Variants in WWOX observed in about 807,000 individuals in gnomAD.
WWOX encodes the protein WW domain containing oxidoreductase.
In WWOX, 69 loss-of-function variants were observed where a neutral mutation model predicts 46.2. That is an observed-to-expected ratio of 1.49 (90% CI 1.23 to 1.82). WWOX has a LOEUF of 1.82. Ranked by LOEUF, WWOX falls within the 40% of genes most tolerant of loss-of-function variation. WWOX has a pLI of 0.00. For synonymous variants in WWOX, 359 were observed against 202.6 expected (o/e 1.77, Z -6.56); for missense variants, 919 against 542.6 (o/e 1.69, Z -6.89).
rs561139452 is a variant in WWOX at position 78,183,316 on chromosome 16, A to C, written c.516+19027A>C. ...AAGGCCTGTATTATGGCCCAAGCTC[A>C]AGAATATTCGGGCAAGAGCAGATAC... On this transcript the variant is annotated intron_variant, in intron 5 of 8. Transcript: ENST00000566780. 3.0e-3 allele frequency among the ~76,000 whole-genome samples: 453 copies of C among 152,346 alleles called. 4 individuals carry two copies. The highest frequency in any genetic ancestry group is 5.6e-3 in the Non-Finnish European group (383 of 68,034).
rs1567657269 is a variant in WWOX, at chr16:78,578,257, TATATA to T, written c.1056+145506_1056+145510del. On this transcript the variant is annotated intron_variant, in intron 8 of 8. Transcript: ENST00000566780. ...AAATATATGTGCATACCAAATTTTA[TATATA>T]TATATATATATATATATATATATTT... Among the ~76,000 whole-genome samples, 71 of 29,344 alleles carry T rather than the reference TATATA, an allele frequency of 2.4e-3. 1 individual carries two copies. Among genetic ancestry groups the T allele is most frequent in the South Asian group, 4.4e-3 (3 of 684 alleles). 19.3% of individuals were successfully genotyped at this position (29,344 alleles called of 152,430 possible). A position where few individuals can be genotyped will look rare whatever the true frequency, so the allele number is the denominator to read the frequency against.
intron 8 of WWOX, among the ~76,000 whole-genome samples, chr16:79,082,469 C>A (rs1473264965): frequency 6.6e-6 from 1 of 152,194 alleles, no homozygotes; most frequent in Non-Finnish European, 1.5e-5. Flanking sequence ...ATGGCTACTT[C>A]TCTGGCCACT....
At chr16:78,892,617 C>G (rs575418656) in intron 8 of WWOX, among the ~76,000 whole-genome samples, 3 of 152,196 alleles carry the variant, frequency 2.0e-5, no homozygotes, top group Admixed American at 1.3e-4. Context: ...TACTGAGATT[C>G]TGCGTGTGTG....
intron 8 of WWOX, among the ~76,000 whole-genome samples, chr16:78,967,809 G>A (rs2046390842): frequency 6.6e-6 from 1 of 152,096 alleles, no homozygotes; most frequent in African/African-American, 2.4e-5. Context: ...TGTAAGAGTA[G>A]GAGAGGCAGG....
chr16:79,096,166 C>A (rs1284711667), intron 8 of WWOX, among the ~76,000 whole-genome samples: 1 of 151,904 alleles, frequency 6.6e-6, no homozygotes, highest in Non-Finnish European at 1.5e-5. Flanking sequence ...CAGAGCCTGA[C>A]CACAGTCCTT....
At chr16:78,169,669 G>A (rs376236183) in intron 5 of WWOX, among the ~76,000 whole-genome samples, 170 of 152,126 alleles carry the variant, frequency 1.1e-3, no homozygotes, top group African/African-American at 3.9e-3. Context: ...CCCGGAACTT[G>A]GGATCTAAAA....
intron 8 of WWOX, among the ~76,000 whole-genome samples, chr16:78,650,422 A>T (rs781752054): frequency 6.6e-5 from 10 of 152,142 alleles, no homozygotes; most frequent in Non-Finnish European, 1.5e-4. Flanking sequence ...CCTGTGTGAA[A>T]TTGGTGTCCG....
chr16:78,331,507 C>G (rs1239799960), intron 5 of WWOX, among the ~76,000 whole-genome samples: 13 of 152,126 alleles, frequency 8.5e-5, no homozygotes, highest in Admixed American at 8.5e-4. Flanking sequence ...TAGTTTTTGT[C>G]CATTCATTTT....
intron 8 of WWOX, among the ~76,000 whole-genome samples, chr16:78,879,776 C>G (rs2044305899): frequency 1.3e-5 from 2 of 151,926 alleles, no homozygotes; most frequent in South Asian, 4.1e-4. Context: ...ACTTGGGAGG[C>G]TGAGGCAGGA....
chr16:78,676,403 A>ATT (rs4035810), intron 8 of WWOX, among the ~76,000 whole-genome samples: 1,585 of 140,244 alleles, frequency 0.011, 6 homozygotes, highest in Non-Finnish European at 0.013. Context: ...CATATTTACT[A>ATT]TTTTTTTTTT....
intron 8 of WWOX, among the ~76,000 whole-genome samples, chr16:78,608,470 C>G (rs1254925738): frequency 6.6e-6 from 1 of 152,224 alleles, no homozygotes; most frequent in African/African-American, 2.4e-5. Context: ...AAAGCTGCGA[C>G]TTGGCCACAG....
intron 8 of WWOX, among the ~76,000 whole-genome samples, chr16:79,186,389 C>G (rs1218765880): frequency 6.6e-6 from 1 of 152,194 alleles, no homozygotes; most frequent in Non-Finnish European, 1.5e-5. Context: ...GGTTCAGTGG[C>G]AACGCTTGGT....
At chr16:78,523,795 G>C (rs1198842004) in intron 8 of WWOX, among the ~76,000 whole-genome samples, 1 of 152,160 alleles carries the variant, frequency 6.6e-6, no homozygotes, top group African/African-American at 2.4e-5. Context: ...GGGGCCTCTG[G>C]AACAGCTGCT....
chr16:78,898,758 C>T (rs1197085947), intron 8 of WWOX: 1 of 152,106 alleles, frequency 6.6e-6, no homozygotes, highest in East Asian at 1.9e-4. Flanking sequence ...TGCATCTCTC[C>T]ATTTATTTAA....
chr16:78,961,397 C>T (rs1271481644), intron 8 of WWOX, among the ~76,000 whole-genome samples: 2 of 152,010 alleles, frequency 1.3e-5, no homozygotes, highest in Admixed American at 1.3e-4. Flanking sequence ...TGTGGCATGG[C>T]ACAAAGATAA....
intron 8 of WWOX, among the ~76,000 whole-genome samples, chr16:78,621,779 T>C (rs147286524): frequency 0.031 from 4,725 of 151,668 alleles, 274 homozygotes; most frequent in African/African-American, 0.11. Flanking sequence ...TAATTTTTTG[T>C]ATTTTTTAGT....
chr16:78,790,127 A>T (rs1316680994), intron 8 of WWOX, among the ~76,000 whole-genome samples: 6 of 151,912 alleles, frequency 3.9e-5, no homozygotes, highest in East Asian at 3.9e-4. Context: ...CAGGATTATT[A>T]TTTTTTTTAA....
intron 8 of WWOX, among the ~76,000 whole-genome samples, chr16:78,627,053 A>G (rs1490543086): frequency 6.6e-6 from 1 of 151,914 alleles, no homozygotes; most frequent in African/African-American, 2.4e-5. Context: ...CCCACCTCAT[A>G]CATACACAAA....
intron 8 of WWOX, among the ~76,000 whole-genome samples, chr16:78,627,829 A>C (rs1186469229): frequency 6.6e-6 from 1 of 152,246 alleles, no homozygotes; most frequent in African/African-American, 2.4e-5. Context: ...TGACAAGATG[A>C]TGCCGACTTA....
Sources: gnomAD v4.1 joint callset for allele counts (sites outside exome capture counted in the v4.1 genomes callset) on GRCh38, gnomAD v4.1.1 for gene constraint, MANE v1.5 for transcripts, NCBI Gene and HGNC (gene_info 2026-07-23, HGNC 2026-07-21) for gene names.